DNMT3A: variants seen among roughly 807,000 people sequenced by gnomAD.
DNMT3A encodes the protein DNA methyltransferase 3 alpha.
In DNMT3A, 267 loss-of-function variants were observed where a neutral mutation model predicts 117.6. The observed-to-expected ratio is 2.27, with a 90% CI of 2.05 to 2.51. The LOEUF (loss-of-function observed/expected upper bound fraction) is 2.51, where lower values mean the gene tolerates loss of function less well. DNMT3A is among the 30% of genes most tolerant of loss of function. The pLI is 0.00. For missense variants in DNMT3A, 1,029 were observed against 1,260.2 expected (o/e 0.82, Z 2.78); for synonymous variants, 432 against 474.8 (o/e 0.91, Z 1.17).
intron 13 of DNMT3A, 120 bp downstream of exon 13, chr2:25,245,133 G>T (rs1674585627): frequency 1.1e-6 from 1 of 906,762 alleles, no homozygotes; most frequent in Non-Finnish European, 1.7e-6. Context: ...AAGCTCTGAA[G>T]TCTACATCAC....
chr2:25,287,787 C>T (rs576530868), intron 3 of DNMT3A, among the ~76,000 whole-genome samples: 2 of 149,774 alleles, frequency 1.3e-5, no homozygotes, highest in East Asian at 3.9e-4. Context: ...CTTTGAAAAA[C>T]CCTGGGCTGA....
intron 1 of DNMT3A, among the ~76,000 whole-genome samples, chr2:25,336,186 C>A (rs965802890): frequency 6.6e-6 from 1 of 152,220 alleles, no homozygotes; most frequent in Admixed American, 6.5e-5. Flanking sequence ...GGGCCTGGGC[C>A]GTCTGCAGGG....
intron 3 of DNMT3A, among the ~76,000 whole-genome samples, chr2:25,284,372 C>T (rs899665345): frequency 1.3e-5 from 2 of 151,984 alleles, no homozygotes; most frequent in East Asian, 1.9e-4. Flanking sequence ...TGTAGCCAGG[C>T]GTGGTGGCTT....
chr2:25,246,170 CT>C lies in DNMT3A; in HGVS notation c.1418del (p.Glu473GlyfsTer178). The C allele has an allele frequency of 6.2e-7, 1 of 1,614,060 alleles. No homozygotes were observed. ...AAGCAGGCCAACTACCTCTTGTGCG[CT>C]CATCAATAATCTCCTTGACCTTGGG... ...EKPKVKEIID[E>X]RTRERLVYEV... is the part of the protein sequence containing the mutation. On this transcript the variant is annotated frameshift_variant, in exon 11 of 23. Transcript: ENST00000321117. LOFTEE classifies it high-confidence loss of function.
chr2:25,250,830 G>A (rs1406620921), intron 6 of DNMT3A, among the ~76,000 whole-genome samples: 3 of 152,216 alleles, frequency 2.0e-5, no homozygotes, highest in African/African-American at 7.2e-5. Context: ...GGGCGGGAAG[G>A]GGAAAGGACC....
rs986052649 is a variant in DNMT3A, at chr2:25,232,087, C to A, written c.*2192G>T. 3 of 152,144 alleles carry A rather than the reference C, an allele frequency of 2.0e-5. No individual in the cohort carries two copies. Among genetic ancestry groups the A allele is most frequent in the African/African-American group, 7.2e-5 (3 of 41,388 alleles). The allele number at this position is 152,144 out of a possible 1,614,324, so 9.4% of individuals were successfully genotyped here. A position where few individuals can be genotyped will look rare whatever the true frequency, so the allele number is the denominator to read the frequency against. On this transcript the variant is annotated 3_prime_UTR_variant, in exon 23 of 23. Coordinates refer to ENST00000321117, the MANE Select transcript of DNMT3A (RefSeq NM_022552.5). The surrounding 1 kb of genome is among the most constrained non-coding windows in gnomAD (Gnocchi z 4.1). ...CAGCACACTAAGCCTGCTTCCCCCA[C>A]TCCCCACCCCATAATATTTCTTAAA...
At position 25,293,890 on chromosome 2, in the gene DNMT3A, C is replaced by T. The variant is rs1409632186; in HGVS notation, c.177+6249G>A. On this transcript the variant is annotated intron_variant, in intron 3 of 22. Coordinates refer to ENST00000321117, the MANE Select transcript of DNMT3A (RefSeq NM_022552.5). The surrounding 1 kb of genome is among the most constrained non-coding windows in gnomAD (Gnocchi z 4.7). ...TTTGCCATGTTGGCCAGGCTGGTCT[C>T]GAATTCCTGGCCTCAAGTGATCCAC... is the stretch of plus-strand genomic sequence containing the variant. Among the ~76,000 whole-genome samples, 2 of 152,116 alleles carry T rather than the reference C, an allele frequency of 1.3e-5. No homozygotes were observed. The highest frequency in any genetic ancestry group is 2.4e-5 in the African/African-American group (1 of 41,438).
chr2:25,334,244 A>G (rs558016381), intron 1 of DNMT3A, among the ~76,000 whole-genome samples: 1 of 152,304 alleles, frequency 6.6e-6, no homozygotes, highest in South Asian at 2.1e-4. Context: ...TTCCTGGGGT[A>G]GCAAGACGAC....
chr2:25,247,744 G>T lies in DNMT3A; in HGVS notation c.861C>A (p.Gly287=). The T allele has an allele frequency of 6.2e-7, 1 of 1,612,208 alleles. No homozygotes were observed. The highest frequency in any genetic ancestry group is 8.5e-7 in the Non-Finnish European group (1 of 1,179,990). ...AGDDEPEYED[G]RGFGIGELVW... is the part of the protein sequence containing the mutation. ...CCAGCTCCCCAATGCCAAAGCCCCG[G>T]CCGTCCTGGAGCCCCAAGGAGCAGA... Residue 287 remains glycine, a synonymous_variant, in exon 8 of 23, where the codon GGC becomes GGA. Transcript: ENST00000321117. This position sits in a 1 kb window ranked among gnomAD's most constrained non-coding sequence, Gnocchi z 5.6.
Position 25,233,027 on chromosome 2 carries a change from T to C in DNMT3A, c.*1252A>G, listed in dbSNP as rs990174409. The stretch of plus-strand genomic sequence containing the variant: ...TCCAGGTGGGGTTTTGACTGTCACT[T>C]TCCCACACTCTGGATTAGTTCTGAT... On this transcript the variant is annotated 3_prime_UTR_variant, in exon 23 of 23. Transcript: ENST00000321117. 1 of 233,380 alleles carries C rather than the reference T, an allele frequency of 4.3e-6. No homozygotes were observed. 14.5% of individuals were successfully genotyped at this position (233,380 alleles called of 1,614,324 possible).
At chr2:25,336,541 G>A (rs1388233628) in intron 1 of DNMT3A, among the ~76,000 whole-genome samples, 1 of 152,086 alleles carries the variant, frequency 6.6e-6, no homozygotes, top group Non-Finnish European at 1.5e-5. Context: ...TGCTCTCCAA[G>A]TCTGAGCTCT....
intron 2 of DNMT3A, among the ~76,000 whole-genome samples, chr2:25,312,032 C>T (rs1384732842): frequency 6.6e-6 from 1 of 152,210 alleles, no homozygotes; most frequent in African/African-American, 2.4e-5. Context: ...TGTCCCCACC[C>T]TCCCCACCTG....
chr2:25,314,120 G>A lies in DNMT3A; in HGVS notation c.-136C>T. 1 of 1,428,876 alleles carries A rather than the reference G, an allele frequency of 7.0e-7. No individual in the cohort carries two copies. Among genetic ancestry groups the A allele is most frequent in the Non-Finnish European group, 9.1e-7 (1 of 1,094,296 alleles). The allele number at this position is 1,428,876 out of a possible 1,614,324, so 88.5% of individuals were successfully genotyped here. On this transcript the variant is annotated 5_prime_UTR_variant, in exon 2 of 23. Coordinates refer to ENST00000321117, the MANE Select transcript of DNMT3A (RefSeq NM_022552.5). Reference sequence around the variant, plus strand: ...CCGGTGTTGAGCCCTCTGGTGAACGGTGCCTCTGTCAGCCTGTGGGTGGGG... The same window carrying A: ...CCGGTGTTGAGCCCTCTGGTGAACGATGCCTCTGTCAGCCTGTGGGTGGGG...
intron 6 of DNMT3A, among the ~76,000 whole-genome samples, chr2:25,253,111 G>C (rs1253561954): frequency 6.6e-6 from 1 of 152,148 alleles, no homozygotes; most frequent in Non-Finnish European, 1.5e-5. Context: ...AACATCTGCA[G>C]ATCGAGAAGA....
rs1329302558 is a variant in DNMT3A, at chr2:25,300,193, G to A, written c.123C>T (p.Pro41=). 1 of 1,612,470 alleles carries A rather than the reference G, an allele frequency of 6.2e-7. No homozygotes were observed. The change falls in exon 3 of 23, where the codon CCC becomes CCT. Residue 41 remains proline, a synonymous_variant. Coordinates refer to ENST00000321117, the MANE Select transcript of DNMT3A (RefSeq NM_022552.5). ...GCCCCACCTTCCGTGCCGTGGTGCT[G>A]GGCTCTTGGCGCTCCTCCTTGCCAC... is the stretch of plus-strand genomic sequence containing the variant. ...EPRGKEERQE[P]STTARKVGRP... is the part of the protein sequence containing the mutation.
rs1460509122 is a variant in DNMT3A, at chr2:25,293,444, G to T, written c.177+6695C>A. 6.6e-6 allele frequency among the ~76,000 whole-genome samples: 1 copy of T among 152,116 alleles called. No homozygotes were observed. The highest frequency in any genetic ancestry group is 1.5e-5 in the Non-Finnish European group (1 of 68,018). On this transcript the variant is annotated intron_variant, in intron 3 of 22. Coordinates refer to ENST00000321117, the MANE Select transcript of DNMT3A (RefSeq NM_022552.5). This position sits in a 1 kb window ranked among gnomAD's most constrained non-coding sequence, Gnocchi z 4.7. ...TTTTCAGAGAGGATAAAGAGTAAAA[G>T]CCCCTCAGGCTGCCTGCAAACTACC...
intron 3 of DNMT3A, among the ~76,000 whole-genome samples, chr2:25,285,054 A>G (rs1362585130): frequency 2.0e-5 from 3 of 152,100 alleles, no homozygotes; most frequent in African/African-American, 7.2e-5. Context: ...TGCAGTGAAC[A>G]CCCTTGCACT....
In DNMT3A at chr2:25,231,096, A is replaced by C. The variant is rs1356046432; in HGVS notation, c.*3183T>G. The C allele has an allele frequency of 1.3e-5, 2 of 152,288 alleles. No individual in the cohort carries two copies. The highest frequency in any genetic ancestry group is 2.9e-5 in the Non-Finnish European group (2 of 68,118). The allele number at this position is 152,288 out of a possible 1,614,324, so 9.4% of individuals were successfully genotyped here. A position where few individuals can be genotyped will look rare whatever the true frequency, so the allele number is the denominator to read the frequency against. ...CTAAGCAGTGGCTTGGGAGAGCCTGAGCCTTAGAAGACTCTGTCCTGACCC... is the reference window on the plus strand; with the variant it reads ...CTAAGCAGTGGCTTGGGAGAGCCTGCGCCTTAGAAGACTCTGTCCTGACCC... On this transcript the variant is annotated 3_prime_UTR_variant, in exon 23 of 23. Coordinates refer to ENST00000321117, the MANE Select transcript of DNMT3A (RefSeq NM_022552.5).
rs1338210499 is a variant in DNMT3A at position 25,237,251 on chromosome 2, T to C, written c.2409-246A>G. ...CTTAAAGGTAAATTCAAAAGTGGTCTCAAATTGTGAACAGGCAGATAACAC... is the reference window on the plus strand; with the variant it reads ...CTTAAAGGTAAATTCAAAAGTGGTCCCAAATTGTGAACAGGCAGATAACAC... On this transcript the variant is annotated intron_variant, in intron 20 of 22. Transcript: ENST00000321117. The surrounding 1 kb of genome is among the most constrained non-coding windows in gnomAD (Gnocchi z 5.4). 6.6e-6 allele frequency among the ~76,000 whole-genome samples: 1 copy of C among 152,132 alleles called. No individual in the cohort carries two copies. Among genetic ancestry groups the C allele is most frequent in the African/African-American group, 2.4e-5 (1 of 41,410 alleles).
Sources: allele counts gnomAD v4.1 joint callset (sites outside exome capture counted in the v4.1 genomes callset), GRCh38; gene constraint gnomAD v4.1.1; non-coding constraint Gnocchi (gnomAD v3.1); transcripts MANE v1.5; gene names NCBI Gene and HGNC (gene_info 2026-07-23, HGNC 2026-07-21).